MINDY3: variants seen among roughly 807,000 people sequenced by gnomAD.
The protein encoded by MINDY3 is MINDY lysine 48 deubiquitinase 3.
In MINDY3, 38 loss-of-function variants were observed where a neutral mutation model predicts 69.2. The observed-to-expected ratio is 0.55, with a 90% CI of 0.42 to 0.72. The LOEUF (loss-of-function observed/expected upper bound fraction) is 0.72, where lower values mean the gene tolerates loss of function less well. MINDY3 is among the 30% of genes least tolerant of loss of function. The probability of loss-of-function intolerance (pLI) is 0.00; values close to 1 mark genes in which losing one functional copy is unlikely to be tolerated. For missense variants in MINDY3, 522 were observed against 519.0 expected (o/e 1.01, Z -0.06); for synonymous variants, 192 against 180.1 (o/e 1.07, Z -0.53).
rs1588619709 is a variant in MINDY3, at chr10:15,834,389, CAATGCAT to C, written c.650+147_650+153del. Among the ~76,000 whole-genome samples the C allele has an allele frequency of 3.3e-5, 5 of 152,054 alleles. No individual in the cohort carries two copies. The East Asian group carries it at 9.7e-4, about 29-fold the overall frequency. ...ATTAACATTTCATACATCAAGCAAA[CAATGCAT>C]AATACAAAGAAGTGCTCAAATCCAT... is the stretch of plus-strand genomic sequence containing the variant. On this transcript the variant is annotated intron_variant, in intron 7 of 14. Coordinates refer to ENST00000277632, the MANE Select transcript of MINDY3 (RefSeq NM_024948.4).
At chr10:15,848,262 TCAAA>T (rs1315732735) in intron 1 of MINDY3, among the ~76,000 whole-genome samples, 1 of 152,158 alleles carries the variant, frequency 6.6e-6, no homozygotes, top group African/African-American at 2.4e-5. Flanking sequence ...TCTACTAAAT[TCAAA>T]CAATTTTTAG....
chr10:15,850,001 A>G (rs1478246804), intron 1 of MINDY3, among the ~76,000 whole-genome samples: 2 of 152,194 alleles, frequency 1.3e-5, no homozygotes, highest in Non-Finnish European at 2.9e-5. Context: ...GACCTGCTGA[A>G]GCTGTGACAG....
intron 10 of MINDY3, among the ~76,000 whole-genome samples, chr10:15,807,898 G>T (rs1052986846): frequency 3.3e-5 from 5 of 152,174 alleles, no homozygotes; most frequent in Non-Finnish European, 7.4e-5. Flanking sequence ...TTGGCTTAAG[G>T]AGGCAAGAAC....
intron 1 of MINDY3, among the ~76,000 whole-genome samples, chr10:15,857,203 A>G (rs534870301): frequency 1.4e-4 from 22 of 151,946 alleles, no homozygotes; most frequent in African/African-American, 5.3e-4. Context: ...AAACAGACCA[A>G]GTGTATTTTC....
chr10:15,839,843 T>A (rs1833339987), intron 4 of MINDY3, among the ~76,000 whole-genome samples: 1 of 151,596 alleles, frequency 6.6e-6, no homozygotes, highest in Non-Finnish European at 1.5e-5. Context: ...ACTTTTAAAA[T>A]GAGATACAAA....
At chr10:15,779,704 C>T (rs1836372189) in intron 14 of MINDY3, among the ~76,000 whole-genome samples, 1 of 151,994 alleles carries the variant, frequency 6.6e-6, no homozygotes, top group South Asian at 2.1e-4. Context: ...TTCATGAGTG[C>T]ATTCTGTACA....
At chr10:15,838,986 C>T (rs909993097) in intron 4 of MINDY3, among the ~76,000 whole-genome samples, 2 of 151,568 alleles carry the variant, frequency 1.3e-5, no homozygotes, top group African/African-American at 2.4e-5. Context: ...GAACCTGAGG[C>T]ACACAGAAAA....
At chr10:15,787,781 G>A (rs1161907046) in intron 12 of MINDY3, among the ~76,000 whole-genome samples, 1 of 152,128 alleles carries the variant, frequency 6.6e-6, no homozygotes. Flanking sequence ...AAAGGATATG[G>A]CATTTTAATG....
intron 1 of MINDY3, chr10:15,857,796 T>C (rs1210506495): frequency 7.2e-6 from 2 of 277,448 alleles, no homozygotes; most frequent in Non-Finnish European, 1.1e-5. Context: ...CTGCAGCTTA[T>C]TGTTTTAACA....
chr10:15,808,397 T>C (rs1466228637), intron 10 of MINDY3, among the ~76,000 whole-genome samples: 2 of 152,212 alleles, frequency 1.3e-5, no homozygotes, highest in Non-Finnish European at 2.9e-5. Context: ...AGCACCACTT[T>C]ACAGCTTTTC....
chr10:15,838,480 T>C (rs774384454), intron 4 of MINDY3, among the ~76,000 whole-genome samples: 10 of 151,768 alleles, frequency 6.6e-5, no homozygotes, highest in Non-Finnish European at 1.3e-4. Flanking sequence ...AAAATCGATA[T>C]AATACTGAGA....
chr10:15,853,551 A>C (rs1224586514), intron 1 of MINDY3, among the ~76,000 whole-genome samples: 1 of 152,124 alleles, frequency 6.6e-6, no homozygotes, highest in Non-Finnish European at 1.5e-5. Context: ...TTACTGCTGC[A>C]GTCAAAATTA....
intron 10 of MINDY3, among the ~76,000 whole-genome samples, chr10:15,800,993 G>A (rs906370355): frequency 1.3e-5 from 2 of 152,180 alleles, no homozygotes; most frequent in Non-Finnish European, 1.5e-5. Flanking sequence ...CTTAATGCCA[G>A]CAAAGGATGG....
At chr10:15,831,533 G>T (rs1239255709) in intron 8 of MINDY3, among the ~76,000 whole-genome samples, 1 of 152,166 alleles carries the variant, frequency 6.6e-6, no homozygotes, top group Non-Finnish European at 1.5e-5. Context: ...ACAGCAAGAT[G>T]ACAGCCTTGA....
intron 1 of MINDY3, among the ~76,000 whole-genome samples, chr10:15,859,676 T>G (rs1231893961): frequency 6.6e-6 from 1 of 152,186 alleles, no homozygotes; most frequent in Non-Finnish European, 1.5e-5. Context: ...AAGAGTACAC[T>G]TTTTAGCAAA....
At chr10:15,815,349 C>A (rs1359751722) in intron 10 of MINDY3, among the ~76,000 whole-genome samples, 2 of 152,214 alleles carry the variant, frequency 1.3e-5, no homozygotes, top group African/African-American at 4.8e-5. Flanking sequence ...AATTATGTAT[C>A]TTGCTCTATA....
At chr10:15,791,294 C>T (rs1009369536) in intron 11 of MINDY3, among the ~76,000 whole-genome samples, 3 of 151,870 alleles carry the variant, frequency 2.0e-5, no homozygotes, top group African/African-American at 7.3e-5. Flanking sequence ...AGGCCAGAAT[C>T]ATTAAGTGTA....
chr10:15,851,413 C>G (rs573517866), intron 1 of MINDY3, among the ~76,000 whole-genome samples: 1 of 152,082 alleles, frequency 6.6e-6, no homozygotes, highest in South Asian at 2.1e-4. Flanking sequence ...TTGCCATTCT[C>G]CCTTTTAGAT....
intron 1 of MINDY3, among the ~76,000 whole-genome samples, chr10:15,853,128 G>C (rs1204019383): frequency 6.6e-6 from 1 of 152,096 alleles, no homozygotes; most frequent in African/African-American, 2.4e-5. Context: ...AGGGAAAAAG[G>C]AATGATAGTT....
Sources: gnomAD v4.1 joint callset for allele counts (sites outside exome capture counted in the v4.1 genomes callset) on GRCh38, gnomAD v4.1.1 for gene constraint, MANE v1.5 for transcripts, NCBI Gene and HGNC (gene_info 2026-07-23, HGNC 2026-07-21) for gene names.